GNAI3: variants seen among roughly 807,000 people sequenced by gnomAD.
GNAI3 encodes guanine nucleotide-binding protein G(i) subunit alpha-3.
In GNAI3, 12 loss-of-function variants were observed where a neutral mutation model predicts 41.8. The ratio of observed to expected loss-of-function variants is 0.29; its 90% CI spans 0.18 to 0.47. The LOEUF (loss-of-function observed/expected upper bound fraction) is 0.47. Ranked by LOEUF, GNAI3 falls within the 20% of genes least tolerant of loss-of-function variation. GNAI3 has a pLI of 1.00. For synonymous variants in GNAI3, 132 were observed against 146.5 expected, an observed-to-expected ratio of 0.90 and a Z score of 0.71; for missense variants, 360 against 429.6, an observed-to-expected ratio of 0.84 and a Z score of 1.43.
rs1245898834 is a variant in GNAI3, at chr1:109,599,635, GTC to G, written c.*7318_*7319del. 6.6e-6 allele frequency: 1 copy of G among 152,110 alleles called. No homozygotes were observed. The highest frequency in any genetic ancestry group is 6.5e-5 in the Admixed American group (1 of 15,272). The allele number at this position is 152,110 out of a possible 1,614,324, so 9.4% of individuals were successfully genotyped here. On this transcript the variant is annotated 3_prime_UTR_variant, in exon 9 of 9. Coordinates refer to ENST00000369851, the MANE Select transcript of GNAI3 (RefSeq NM_006496.4). ...TGCTATGCTAGGGAAGTACATTATG[GTC>G]TCTCCCTCTAAGAATATGAAGAGGA...
intron 1 of GNAI3, among the ~76,000 whole-genome samples, chr1:109,559,805 G>T (rs924446645): frequency 2.0e-5 from 3 of 152,170 alleles, no homozygotes; most frequent in Non-Finnish European, 2.9e-5. Flanking sequence ...AGGTGATCCT[G>T]TTACCGGCTT....
At chr1:109,574,810 CATACTT>C (rs1557907968) in intron 3 of GNAI3, among the ~76,000 whole-genome samples, 1 of 152,150 alleles carries the variant, frequency 6.6e-6, no homozygotes, top group Admixed American at 6.5e-5. Flanking sequence ...TTCAGAGTGT[CATACTT>C]ATGTGCCATG....
intron 5 of GNAI3, among the ~76,000 whole-genome samples, chr1:109,585,107 A>C (rs1368672795): frequency 6.6e-6 from 1 of 152,254 alleles, no homozygotes. Context: ...CTGGAAATGT[A>C]GGCCTCTAGT....
chr1:109,571,679 A>G (rs1648600183), intron 1 of GNAI3, among the ~76,000 whole-genome samples: 1 of 152,154 alleles, frequency 6.6e-6, no homozygotes, highest in Non-Finnish European at 1.5e-5. Context: ...GCATTTTGGG[A>G]GGCCGAGGCA....
chr1:109,559,903 A>G (rs183633481), intron 1 of GNAI3, among the ~76,000 whole-genome samples: 244 of 152,336 alleles, frequency 1.6e-3, no homozygotes, highest in Non-Finnish European at 2.8e-3. Flanking sequence ...TCTAGTTTTG[A>G]TAGATACAAT....
At chr1:109,591,393 G>T in intron 7 of GNAI3, 1 of 514,750 alleles carries the variant, frequency 1.9e-6, no homozygotes, top group Non-Finnish European at 3.6e-6. Context: ...ATGAATGAAT[G>T]TTCATATTGG....
At chr1:109,555,963 CGTGTGTGTGTGT>C (rs71069692) in intron 1 of GNAI3, among the ~76,000 whole-genome samples, 22 of 144,612 alleles carry the variant, frequency 1.5e-4, no homozygotes, top group African/African-American at 3.4e-4. Context: ...TGCGTGCGTG[CGTGTGTGTGTGT>C]GTGTGTGTGT....
In GNAI3 at chr1:109,598,843, T is replaced by G. The variant is rs1649377399; in HGVS notation, c.*6521T>G. On this transcript the variant is annotated 3_prime_UTR_variant, in exon 9 of 9. Coordinates refer to ENST00000369851, the MANE Select transcript of GNAI3 (RefSeq NM_006496.4). ...AGGACCACCAGAGGCTCTGTCACACTTGCAGTCCCTGGCCCAACACCGAAA... is the reference window on the plus strand; with the variant it reads ...AGGACCACCAGAGGCTCTGTCACACGTGCAGTCCCTGGCCCAACACCGAAA... 1.9e-6 allele frequency: 1 copy of G among 530,904 alleles called. No homozygotes were observed. Among genetic ancestry groups the G allele is most frequent in the Non-Finnish European group, 3.9e-6 (1 of 257,080 alleles). 32.9% of individuals were successfully genotyped at this position (530,904 alleles called of 1,614,324 possible). A position where few individuals can be genotyped will look rare whatever the true frequency, so the allele number is the denominator to read the frequency against.
At position 109,573,775 on chromosome 1, in the gene GNAI3, A is replaced by G. The variant is rs981945258; in HGVS notation, c.157A>G (p.Met53Val). The change falls in exon 2 of 9, where the codon ATG (methionine) becomes GTG (valine). Residue 53 changes from methionine to valine, a missense_variant. Met to Val is a conservative substitution (Grantham distance 21, BLOSUM62 1). Coordinates refer to ENST00000369851, the MANE Select transcript of GNAI3 (RefSeq NM_006496.4). ...TGGTAAAAGCACCATTGTGAAACAGATGAAGTAAGTTGGAATGTAGCGTTT... is the reference window on the plus strand; with the variant it reads ...TGGTAAAAGCACCATTGTGAAACAGGTGAAGTAAGTTGGAATGTAGCGTTT... ...ESGKSTIVKQ[M>V]KIIHEDGYSE... is the part of the protein sequence containing the mutation. The G allele has an allele frequency of 5.0e-6, 8 of 1,611,716 alleles. No homozygotes were observed. The highest frequency in any genetic ancestry group is 1.1e-5 in the South Asian group (1 of 91,022).
rs536747740 is a variant in GNAI3 at position 109,590,404 on chromosome 1, G to A, written c.875-1639G>A. Among the ~76,000 whole-genome samples the A allele has an allele frequency of 6.6e-5, 10 of 152,048 alleles. No homozygotes were observed. In the East Asian group the frequency reaches 1.9e-3, roughly 29 times the overall value. On this transcript the variant is annotated intron_variant, in intron 7 of 8. Transcript: ENST00000369851. ...CTTCATTCTGTGTACAGATTCTTAC[G>A]GTCCTTATTTGCCAGGTATTATTAT...
intron 1 of GNAI3, among the ~76,000 whole-genome samples, chr1:109,552,728 T>G (rs931853733): frequency 2.0e-5 from 3 of 152,190 alleles, no homozygotes; most frequent in Non-Finnish European, 4.4e-5. Context: ...GTTTTTGTTT[T>G]TTTTTGACCC....
At chr1:109,548,969 G>C in intron 1 of GNAI3, 131 bp downstream of exon 1, 4 of 634,432 alleles carry the variant, frequency 6.3e-6, no homozygotes, top group Non-Finnish European at 8.5e-6. Flanking sequence ...GCGTGGGGCG[G>C]GGTGTTGGGG....
In GNAI3 at chr1:109,593,231, T is replaced by C. The variant is rs1017108877; in HGVS notation, c.*909T>C. The C allele has an allele frequency of 3.9e-5, 6 of 152,688 alleles. No homozygotes were observed. The highest frequency in any genetic ancestry group is 1.4e-4 in the African/African-American group (6 of 41,468). 9.5% of individuals were successfully genotyped at this position (152,688 alleles called of 1,614,324 possible). ...GATTCTTGCTTGTTTGTCTCAGTTATAGGGAGTTTTGTACATGGTGCCTCT... is the reference window on the plus strand; with the variant it reads ...GATTCTTGCTTGTTTGTCTCAGTTACAGGGAGTTTTGTACATGGTGCCTCT... On this transcript the variant is annotated 3_prime_UTR_variant, in exon 9 of 9. Transcript: ENST00000369851.
rs1649396674 is a variant in GNAI3, at chr1:109,599,696, A to G, written c.*7374A>G. The G allele has an allele frequency of 1.3e-5, 2 of 152,182 alleles. No homozygotes were observed. Among genetic ancestry groups the G allele is most frequent in the African/African-American group, 4.8e-5 (2 of 41,442 alleles). 9.4% of individuals were successfully genotyped at this position (152,182 alleles called of 1,614,324 possible). A position where few individuals can be genotyped will look rare whatever the true frequency, so the allele number is the denominator to read the frequency against. ...CTTCAACAAACAAGCAAACTTAGTT[A>G]TATTTTTGTGATTTTATGCTGTTTT... On this transcript the variant is annotated 3_prime_UTR_variant, in exon 9 of 9. Transcript: ENST00000369851.
In GNAI3 at chr1:109,598,681, T is replaced by C. The variant is rs1015352080; in HGVS notation, c.*6359T>C. The C allele has an allele frequency of 4.3e-6, 1 of 231,412 alleles. No individual in the cohort carries two copies. Among genetic ancestry groups the C allele is most frequent in the African/African-American group, 2.3e-5 (1 of 43,834 alleles). 14.3% of individuals were successfully genotyped at this position (231,412 alleles called of 1,614,324 possible). On this transcript the variant is annotated 3_prime_UTR_variant, in exon 9 of 9. Transcript: ENST00000369851. The stretch of plus-strand genomic sequence containing the variant: ...GAAGCAGGGTGAAAAGGTCTTTGCT[T>C]TGTTTTACATTTAAATCCAGCTGTC...
At chr1:109,577,015 GTTTTTTT>G (rs5776987) in intron 3 of GNAI3, among the ~76,000 whole-genome samples, 1 of 144,124 alleles carries the variant, frequency 6.9e-6, no homozygotes, top group Non-Finnish European at 1.5e-5. Context: ...GTTTTTTTCT[GTTTTTTT>G]TTTTTTTTAA....
rs530790493 is a variant in GNAI3 at position 109,598,988 on chromosome 1, A to G, written c.*6666A>G. On this transcript the variant is annotated 3_prime_UTR_variant, in exon 9 of 9. Coordinates refer to ENST00000369851, the MANE Select transcript of GNAI3 (RefSeq NM_006496.4). ...TGGCCGGCACACTTTGGTCTACGGCACATCTCCAAGTATAGAGTGGGTTTT... is the reference window on the plus strand; with the variant it reads ...TGGCCGGCACACTTTGGTCTACGGCGCATCTCCAAGTATAGAGTGGGTTTT... 1 of 534,656 alleles carries G rather than the reference A, an allele frequency of 1.9e-6. No individual in the cohort carries two copies. The highest frequency in any genetic ancestry group is 3.8e-6 in the Non-Finnish European group (1 of 259,898). 33.1% of individuals were successfully genotyped at this position (534,656 alleles called of 1,614,324 possible).
At chr1:109,579,416 G>A (rs912373938) in intron 4 of GNAI3, 55 bp downstream of exon 4, 1 of 1,266,940 alleles carries the variant, frequency 7.9e-7, no homozygotes, top group African/African-American at 1.5e-5. Flanking sequence ...TGACACTACA[G>A]AAATTTTAGT....
intron 7 of GNAI3, among the ~76,000 whole-genome samples, chr1:109,588,518 A>G (rs1308232657): frequency 1.3e-5 from 2 of 152,198 alleles, no homozygotes; most frequent in African/African-American, 2.4e-5. Context: ...CCAGGGATGG[A>G]TCACTATGAA....
Sources: allele counts gnomAD v4.1 joint callset (sites outside exome capture counted in the v4.1 genomes callset), GRCh38; gene constraint gnomAD v4.1.1; transcripts MANE v1.5; gene names NCBI Gene and HGNC (gene_info 2026-07-23, HGNC 2026-07-21).